The following DSCAM variants were observed in gnomAD, a reference collection of about 807,000 sequenced individuals.
DSCAM encodes DS cell adhesion molecule.
A neutral mutation model predicts 217.7 loss-of-function variants in DSCAM; 47 were observed. The ratio of observed to expected loss-of-function variants is 0.22; its 90% CI spans 0.17 to 0.28. The LOEUF (loss-of-function observed/expected upper bound fraction) is 0.28, where lower values mean the gene tolerates loss of function less well. DSCAM is among the 10% of genes least tolerant of loss of function. DSCAM has a pLI of 1.00. For synonymous variants in DSCAM, 1,056 were observed against 1,015.3 expected, an observed-to-expected ratio of 1.04 and a Z score of -0.76; for missense variants, 2,080 against 2,618.3, an observed-to-expected ratio of 0.79 and a Z score of 4.49.
intron 8 of DSCAM, among the ~76,000 whole-genome samples, chr21:40,323,653 G>A (rs1601551214): frequency 6.6e-6 from 1 of 152,270 alleles, no homozygotes; most frequent in African/African-American, 2.4e-5. Context: ...CTAGTGTTCT[G>A]AGCAAAAATT....
intron 3 of DSCAM, among the ~76,000 whole-genome samples, chr21:40,397,938 G>A (rs1216545183): frequency 6.6e-6 from 1 of 151,682 alleles, no homozygotes; most frequent in African/African-American, 2.4e-5. Flanking sequence ...CATTACTACT[G>A]CAACAATTAC....
At chr21:40,487,308 T>TGTGCGTGTGTGCGTGC in intron 3 of DSCAM, among the ~76,000 whole-genome samples, 1 of 99,236 alleles carries the variant, frequency 1.0e-5, no homozygotes, top group East Asian at 2.7e-4. Flanking sequence ...TGCGTGCGTG[T>TGTGCGTGTGTGCGTGC]GTGTGTGTGT....
intron 1 of DSCAM, among the ~76,000 whole-genome samples, chr21:40,747,797 T>A (rs2091189937): frequency 6.6e-6 from 1 of 151,946 alleles, no homozygotes; most frequent in South Asian, 2.1e-4. Context: ...ATATTCCTGA[T>A]GAATACAGAT....
At chr21:40,536,973 C>T (rs2076504587) in intron 3 of DSCAM, among the ~76,000 whole-genome samples, 2 of 152,278 alleles carry the variant, frequency 1.3e-5, no homozygotes, top group South Asian at 4.2e-4. Flanking sequence ...TTAATAAATG[C>T]TCCTAGAACT....
intron 3 of DSCAM, among the ~76,000 whole-genome samples, chr21:40,664,341 T>C (rs1249860357): frequency 6.6e-6 from 1 of 152,218 alleles, no homozygotes. Context: ...CATTTATTGT[T>C]ATCAAGGCCT....
At chr21:40,392,917 T>C (rs568053866) in intron 3 of DSCAM, among the ~76,000 whole-genome samples, 21 of 152,238 alleles carry the variant, frequency 1.4e-4, no homozygotes, top group Admixed American at 4.6e-4. Flanking sequence ...TCAAAAGATA[T>C]AATAAAATTT....
chr21:40,454,691 G>A (rs891670397), intron 3 of DSCAM, among the ~76,000 whole-genome samples: 3 of 152,146 alleles, frequency 2.0e-5, no homozygotes, highest in African/African-American at 7.2e-5. Context: ...TGTAGAAGTC[G>A]CCACAAGAAG....
chr21:40,751,280 T>G (rs2091225403), intron 1 of DSCAM, among the ~76,000 whole-genome samples: 1 of 152,178 alleles, frequency 6.6e-6, no homozygotes, highest in Non-Finnish European at 1.5e-5. Flanking sequence ...CTTCACTGCT[T>G]CAGTTTCTTT....
At chr21:40,560,278 A>T (rs1466555936) in intron 3 of DSCAM, among the ~76,000 whole-genome samples, 1 of 152,174 alleles carries the variant, frequency 6.6e-6, no homozygotes, top group Non-Finnish European at 1.5e-5. Flanking sequence ...TGTAGGAGTT[A>T]CCTAGAGAAG....
At chr21:40,137,261 T>TGG (rs1427715909) in intron 18 of DSCAM, among the ~76,000 whole-genome samples, 1 of 40,916 alleles carries the variant, frequency 2.4e-5, no homozygotes, top group South Asian at 1.2e-3. Context: ...AGAATTAACA[T>TGG]TGGGGGGGGG....
At chr21:40,376,278 AAC>A (rs1461319134) in intron 3 of DSCAM, among the ~76,000 whole-genome samples, 11 of 152,082 alleles carry the variant, frequency 7.2e-5, no homozygotes, top group Admixed American at 5.2e-4. Context: ...CCGTTTCAAT[AAC>A]AGTTTCTGAA....
At chr21:40,753,877 G>A (rs537503801) in intron 1 of DSCAM, among the ~76,000 whole-genome samples, 3 of 152,300 alleles carry the variant, frequency 2.0e-5, no homozygotes, top group African/African-American at 4.8e-5. Flanking sequence ...GCCTTGTCAC[G>A]AACAAAAACT....
intron 20 of DSCAM, among the ~76,000 whole-genome samples, chr21:40,110,747 C>CA (rs1461009381): frequency 6.6e-6 from 1 of 152,186 alleles, no homozygotes; most frequent in Non-Finnish European, 1.5e-5. Context: ...AAAACCACAG[C>CA]ATGAGAACTA....
intron 3 of DSCAM, among the ~76,000 whole-genome samples, chr21:40,560,594 G>A (rs1418315803): frequency 2.6e-5 from 4 of 152,190 alleles, no homozygotes; most frequent in African/African-American, 9.7e-5. Context: ...AATATCACAA[G>A]TCAAAAGGCA....
chr21:40,185,430 A>T (rs2090883055), intron 14 of DSCAM, among the ~76,000 whole-genome samples: 1 of 152,166 alleles, frequency 6.6e-6, no homozygotes, highest in African/African-American at 2.4e-5. Flanking sequence ...GTCCCAAATC[A>T]CTGAGCCCAG....
intron 3 of DSCAM, among the ~76,000 whole-genome samples, chr21:40,427,018 T>C (rs963010717): frequency 1.3e-5 from 2 of 152,214 alleles, no homozygotes; most frequent in African/African-American, 2.4e-5. Context: ...GACCTGATGC[T>C]GTCAGCCGTC....
intron 3 of DSCAM, among the ~76,000 whole-genome samples, chr21:40,573,086 C>T (rs750153317): frequency 6.6e-6 from 1 of 152,038 alleles, no homozygotes; most frequent in African/African-American, 2.4e-5. Context: ...AAAATCGATC[C>T]CAGCACTTTG....
rs1022954009 is a variant in DSCAM at position 40,124,339 on chromosome 21, C to T, written c.3563-11G>A. 3.1e-6 allele frequency: 5 copies of T among 1,613,212 alleles called. No individual in the cohort carries two copies. The highest frequency in any genetic ancestry group is 2.2e-5 in the East Asian group (1 of 44,814). ...CGGGAGGACCTGGAACTGGAAGAGC[C>T]GTGTGTTTAGTCACAAGGTGGGGCC... On this transcript the variant is annotated splice_polypyrimidine_tract_variant and intron_variant, in intron 19 of 32. Coordinates refer to ENST00000400454, the MANE Select transcript of DSCAM (RefSeq NM_001389.5).
intron 27 of DSCAM, among the ~76,000 whole-genome samples, chr21:40,070,522 G>A (rs192849968): frequency 2.2e-4 from 33 of 152,322 alleles, no homozygotes; most frequent in Admixed American, 4.6e-4. Context: ...AGCCACACTT[G>A]GTAACGAAAG....
Sources: allele counts gnomAD v4.1 joint callset (sites outside exome capture counted in the v4.1 genomes callset), GRCh38; gene constraint gnomAD v4.1.1; transcripts MANE v1.5; gene names NCBI Gene and HGNC (gene_info 2026-07-23, HGNC 2026-07-21).